Variants in TNRC6B observed in about 807,000 individuals in gnomAD.
TNRC6B encodes the protein trinucleotide repeat-containing gene 6B protein.
In TNRC6B, 52 loss-of-function variants were observed where a neutral mutation model predicts 203.6. That is an observed-to-expected ratio of 0.26 (90% CI 0.20 to 0.32). The LOEUF (loss-of-function observed/expected upper bound fraction) is 0.32, where lower values mean the gene tolerates loss of function less well. Ranked by LOEUF, TNRC6B falls within the 10% of genes least tolerant of loss-of-function variation. The probability of loss-of-function intolerance (pLI) is 1.00; values close to 1 mark genes in which losing one functional copy is unlikely to be tolerated. For missense variants in TNRC6B, 1,923 were observed against 2,286.2 expected (o/e 0.84, Z 3.24); for synonymous variants, 838 against 845.7 (o/e 0.99, Z 0.16).
intron 3 of TNRC6B, among the ~76,000 whole-genome samples, chr22:40,147,356 A>C (rs1344695439): frequency 6.6e-6 from 1 of 152,210 alleles, no homozygotes; most frequent in Non-Finnish European, 1.5e-5. Context: ...AAGATGGAAG[A>C]ATTGTGGAGA....
At chr22:40,224,526 A>G (rs148998974) in intron 1 of TNRC6B, among the ~76,000 whole-genome samples, 177 of 152,252 alleles carry the variant, frequency 1.2e-3, no homozygotes, top group Non-Finnish European at 1.9e-3. Context: ...CCCAGCAACA[A>G]TGACCTTGGT....
At chr22:40,301,628 A>G (rs1177345767) in intron 15 of TNRC6B, 1 of 394,500 alleles carries the variant, frequency 2.5e-6, no homozygotes. Flanking sequence ...TAACACAGTA[A>G]AGGCTCATAC....
chr22:40,268,953 C>A (rs1162793882), intron 5 of TNRC6B, among the ~76,000 whole-genome samples: 2 of 150,242 alleles, frequency 1.3e-5, no homozygotes, highest in Non-Finnish European at 3.0e-5. Context: ...TAATCTTAAC[C>A]CCTAGGGTCT....
At chr22:40,166,221 T>C (rs2068918053) in intron 4 of TNRC6B, among the ~76,000 whole-genome samples, 2 of 152,112 alleles carry the variant, frequency 1.3e-5, no homozygotes, top group African/African-American at 4.8e-5. Context: ...GGGAATACTC[T>C]TCAAGAAAAA....
Position 40,331,887 on chromosome 22 carries a change from T to C in TNRC6B, c.*8646T>C, listed in dbSNP as rs1459797747. On this transcript the variant is annotated 3_prime_UTR_variant, in exon 23 of 23. Coordinates refer to ENST00000454349, the MANE Select transcript of TNRC6B (RefSeq NM_001162501.2). ...ATGTGGTAAGGTCAGCACAGTGAGA[T>C]AGAGACCTCTGAGTCCTCTTGCCAC... 3.0e-6 allele frequency: 1 copy of C among 331,120 alleles called. No individual in the cohort carries two copies. The highest frequency in any genetic ancestry group is 5.5e-6 in the Non-Finnish European group (1 of 181,888). The allele number at this position is 331,120 out of a possible 1,614,324, so 20.5% of individuals were successfully genotyped here. A position where few individuals can be genotyped will look rare whatever the true frequency, so the allele number is the denominator to read the frequency against.
chr22:40,195,583 C>T (rs2069326757), intron 1 of TNRC6B, among the ~76,000 whole-genome samples: 2 of 151,940 alleles, frequency 1.3e-5, no homozygotes, highest in South Asian at 2.1e-4. Context: ...GGTTAGCCTC[C>T]CAAGTAGTTA....
intron 3 of TNRC6B, among the ~76,000 whole-genome samples, chr22:40,147,226 T>C (rs1223884538): frequency 2.6e-5 from 4 of 152,174 alleles, no homozygotes; most frequent in Non-Finnish European, 4.4e-5. Flanking sequence ...ATTCTACTTA[T>C]ATAAGGTAAC....
intron 1 of TNRC6B, among the ~76,000 whole-genome samples, chr22:40,193,156 A>G (rs2069294940): frequency 6.6e-6 from 1 of 152,136 alleles, no homozygotes; most frequent in South Asian, 2.1e-4. Context: ...AGCCGAGCGC[A>G]TTGTTCATCC....
intron 15 of TNRC6B, chr22:40,301,585 T>TGTG: frequency 1.0e-5 from 5 of 491,704 alleles, no homozygotes; most frequent in Admixed American, 3.7e-5. Context: ...TTCCTTTTTT[T>TGTG]TGTGTGTGTG....
intron 1 of TNRC6B, among the ~76,000 whole-genome samples, chr22:40,113,885 A>C (rs981821289): frequency 9.2e-5 from 14 of 152,110 alleles, no homozygotes; most frequent in African/African-American, 3.4e-4. Flanking sequence ...TCTTCTGGAC[A>C]TCTTGCTTGA....
rs199666343 is a variant in TNRC6B at position 40,265,668 on chromosome 22, A to G, written c.1438A>G (p.Thr480Ala). ...CTCTTGGGACAACAATAACAGGTCTACGGGTGGGTCCTGGAACTTTGGCCC... is the reference window on the plus strand; with the variant it reads ...CTCTTGGGACAACAATAACAGGTCTGCGGGTGGGTCCTGGAACTTTGGCCC... ...NDSWDNNNRS[T>A]GGSWNFGPQD... Residue 480 changes from threonine (T) to alanine (A), a missense_variant, in exon 5 of 23, where the codon ACG (threonine) becomes GCG (alanine). Coordinates refer to ENST00000454349, the MANE Select transcript of TNRC6B (RefSeq NM_001162501.2). The G allele has an allele frequency of 6.2e-7, 1 of 1,613,982 alleles. No individual in the cohort carries two copies. The highest frequency in any genetic ancestry group is 1.1e-5 in the South Asian group (1 of 91,076).
At chr22:40,237,569 G>A (rs556383151) in intron 1 of TNRC6B, among the ~76,000 whole-genome samples, 1 of 152,134 alleles carries the variant, frequency 6.6e-6, no homozygotes. Flanking sequence ...AACCAGAGAA[G>A]GTGTGGGTGT....
At chr22:40,166,300 C>G (rs1013704590) in intron 4 of TNRC6B, among the ~76,000 whole-genome samples, 11 of 151,952 alleles carry the variant, frequency 7.2e-5, no homozygotes, top group African/African-American at 2.4e-4. Context: ...AGATAAATCA[C>G]AAAAATGGCA....
At chr22:40,198,968 A>G (rs2069375321) in intron 1 of TNRC6B, among the ~76,000 whole-genome samples, 1 of 152,010 alleles carries the variant, frequency 6.6e-6, no homozygotes, top group Non-Finnish European at 1.5e-5. Context: ...AGCTGCTTGG[A>G]GAAATGGCTG....
intron 3 of TNRC6B, among the ~76,000 whole-genome samples, chr22:40,129,846 TGAA>T (rs1339415363): frequency 6.6e-6 from 1 of 152,186 alleles, no homozygotes; most frequent in Non-Finnish European, 1.5e-5. Context: ...TGGCAACTAT[TGAA>T]GTGTTGTGAT....
intron 1 of TNRC6B, among the ~76,000 whole-genome samples, chr22:40,226,395 A>T (rs968843874): frequency 6.6e-6 from 1 of 152,138 alleles, no homozygotes; most frequent in African/African-American, 2.4e-5. Context: ...CGAATAACAG[A>T]CACAAACTTA....
intron 1 of TNRC6B, among the ~76,000 whole-genome samples, chr22:40,225,555 C>T (rs1002036694): frequency 6.6e-6 from 1 of 152,056 alleles, no homozygotes; most frequent in Non-Finnish European, 1.5e-5. Context: ...ATGGTGAAAA[C>T]CCATCTCTGC....
Position 40,326,171 on chromosome 22 carries a change from A to G in TNRC6B, c.*2930A>G, listed in dbSNP as rs2071399688. 1 of 152,596 alleles carries G rather than the reference A, an allele frequency of 6.6e-6. No homozygotes were observed. The allele number at this position is 152,596 out of a possible 1,614,324, so 9.5% of individuals were successfully genotyped here. Reference sequence around the variant, plus strand: ...TGCTTTAAAATTTGCAAGCATTCTCAGGAATTCTAGGGTAGGAAGCCAGTT... The same window carrying G: ...TGCTTTAAAATTTGCAAGCATTCTCGGGAATTCTAGGGTAGGAAGCCAGTT... On this transcript the variant is annotated 3_prime_UTR_variant, in exon 23 of 23. Coordinates refer to ENST00000454349, the MANE Select transcript of TNRC6B (RefSeq NM_001162501.2).
At chr22:40,044,862 G>A (rs1331718502) in exon 1 of TNRC6B, 1 of 152,568 alleles carries the variant, frequency 6.6e-6, no homozygotes, top group Non-Finnish European at 1.5e-5. Context: ...GCTGCTGCAA[G>A]GCGAAACGGG....
Sources: gnomAD v4.1 joint callset for allele counts (sites outside exome capture counted in the v4.1 genomes callset) on GRCh38, gnomAD v4.1.1 for gene constraint, MANE v1.5 for transcripts, NCBI Gene and HGNC (gene_info 2026-07-23, HGNC 2026-07-21) for gene names.